The following NSF variants were observed in gnomAD, a reference collection of about 807,000 sequenced individuals.
NSF encodes the protein N-ethylmaleimide sensitive factor, vesicle fusing ATPase.
NSF carries 14 observed loss-of-function variants against 50.3 expected under a neutral mutation model. The ratio of observed to expected loss-of-function variants is 0.28; its 90% CI spans 0.18 to 0.44. The LOEUF (loss-of-function observed/expected upper bound fraction) is 0.44, where lower values mean the gene tolerates loss of function less well. NSF is among the 20% of genes least tolerant of loss of function. NSF has a pLI of 1.00. For missense variants in NSF, 218 were observed against 504.3 expected (o/e 0.43, Z 5.44); for synonymous variants, 109 against 175.7 (o/e 0.62, Z 3.00).
At position 46,710,948 on chromosome 17, in the gene NSF, C is replaced by A; in HGVS notation, c.1471-15C>A. ...ACTAAGGCTCAAAATGCTTTAGACT[C>A]CTTTTTCTTAATAGGCCTTTGGCAC... On this transcript the variant is annotated splice_polypyrimidine_tract_variant and intron_variant, in intron 13 of 20. Transcript: ENST00000398238. 1 of 1,574,460 alleles carries A rather than the reference C, an allele frequency of 6.4e-7. No homozygotes were observed. Among genetic ancestry groups the A allele is most frequent in the Non-Finnish European group, 8.6e-7 (1 of 1,168,302 alleles).
Position 46,704,803 on chromosome 17 carries a change from G to T in NSF, c.1419G>T (p.Leu473=). Residue 473 remains leucine, a synonymous_variant, in exon 13 of 21, where the codon CTG becomes CTT. Coordinates refer to ENST00000398238, the MANE Select transcript of NSF (RefSeq NM_006178.4). ...VEVDMEKAES[L]QVTRGDFLAS... ...TGGACATGGAGAAAGCAGAAAGCCT[G>T]CAAGTGACGAGAGGAGACTTCCTTG... 6.2e-7 allele frequency: 1 copy of T among 1,608,490 alleles called. No individual in the cohort carries two copies. The highest frequency in any genetic ancestry group is 8.5e-7 in the Non-Finnish European group (1 of 1,178,600).
intron 13 of NSF, 121 bp from the exon 14 acceptor site, chr17:46,710,842 T>G: frequency 1.2e-6 from 1 of 840,662 alleles, no homozygotes; most frequent in Non-Finnish European, 1.7e-6. Flanking sequence ...TTTCCAGGCT[T>G]TTTATATTAA....
At chr17:46,709,646 C>T (rs1203895702) in intron 13 of NSF, among the ~76,000 whole-genome samples, 1 of 152,030 alleles carries the variant, frequency 6.6e-6, no homozygotes, top group African/African-American at 2.4e-5. Context: ...AGGCACACAC[C>T]ACCACACCCA....
intron 17 of NSF, among the ~76,000 whole-genome samples, chr17:46,747,729 A>C (rs1229896674): frequency 6.6e-6 from 1 of 152,234 alleles, no homozygotes; most frequent in Admixed American, 6.5e-5. Flanking sequence ...TATTAGAAAG[A>C]GAAAGAAATA....
intron 17 of NSF, among the ~76,000 whole-genome samples, chr17:46,734,555 A>G (rs922187514): frequency 5.3e-5 from 8 of 152,142 alleles, no homozygotes; most frequent in Non-Finnish European, 1.2e-4. Context: ...GTGTGTATAT[A>G]TACATATCTC....
chr17:46,740,045 G>A (rs1265422297), intron 17 of NSF, among the ~76,000 whole-genome samples: 4 of 152,134 alleles, frequency 2.6e-5, no homozygotes, highest in Non-Finnish European at 5.9e-5. Context: ...CATAGGCCCT[G>A]GGCACTGTGT....
At chr17:46,632,983 CT>C (rs2058147568) in intron 4 of NSF, among the ~76,000 whole-genome samples, 1 of 142,288 alleles carries the variant, frequency 7.0e-6, no homozygotes, top group East Asian at 1.9e-4. Flanking sequence ...GGCCATCCAT[CT>C]TTTTTTGAGA....
chr17:46,723,008 A>C (rs998125085), intron 15 of NSF, among the ~76,000 whole-genome samples: 2 of 152,184 alleles, frequency 1.3e-5, no homozygotes, highest in African/African-American at 4.8e-5. Context: ...TTTTCCTCTC[A>C]AATGTTATGT....
At chr17:46,755,602 A>C (rs1396537294) in intron 20 of NSF, 200 bp from the exon 21 acceptor site, 1 of 700,048 alleles carries the variant, frequency 1.4e-6, no homozygotes, top group Admixed American at 2.9e-5. Context: ...TTAATGGTAC[A>C]TATTTATTGG....
rs527782141 is a variant in NSF, at chr17:46,673,906, T to TGG, written c.746-504_746-503dup. Reference sequence around the variant, plus strand: ...TTTGTTATGGCTGAATAGTATTCCATGGGGGTGTGTGTGTGTGTGTGTGTG... The same window carrying TGG: ...TTTGTTATGGCTGAATAGTATTCCATGGGGGGGTGTGTGTGTGTGTGTGTGTG... On this transcript the variant is annotated intron_variant, in intron 8 of 20. Transcript: ENST00000398238. Among the ~76,000 whole-genome samples the TGG allele has an allele frequency of 8.6e-4, 7 of 8,160 alleles. 3 individuals carry two copies. Among genetic ancestry groups the TGG allele is most frequent in the African/African-American group, 1.5e-3 (7 of 4,810 alleles). The allele number at this position is 8,160 out of a possible 152,430, so 5.4% of individuals were successfully genotyped here. A position where few individuals can be genotyped will look rare whatever the true frequency, so the allele number is the denominator to read the frequency against.
chr17:46,687,333 T>C (rs993231260), intron 9 of NSF, among the ~76,000 whole-genome samples: 13 of 148,954 alleles, frequency 8.7e-5, no homozygotes, highest in Non-Finnish European at 1.6e-4. Context: ...TCTTGTTCTC[T>C]ATTTGGAGGC....
intron 15 of NSF, among the ~76,000 whole-genome samples, chr17:46,724,988 T>G (rs2058872286): frequency 6.6e-6 from 1 of 152,214 alleles, no homozygotes; most frequent in South Asian, 2.1e-4. Context: ...TTTATTCTTT[T>G]AGTAAATACT....
At chr17:46,725,200 G>T (rs1227264923) in intron 15 of NSF, among the ~76,000 whole-genome samples, 1 of 152,194 alleles carries the variant, frequency 6.6e-6, no homozygotes, top group Non-Finnish European at 1.5e-5. Flanking sequence ...ATTGGAACTT[G>T]TGTTGTTTCA....
In NSF at chr17:46,635,808, TGTGTGTGTGTGCTC is replaced by T. The variant is rs1435124066; in HGVS notation, c.239-1560_239-1547del. ...GTGTGTGTGTGTGTGTGTGTGTGTG[TGTGTGTGTGTGCTC>T]GTGTGTGAAGCCTTATTGAAGAGTA... On this transcript the variant is annotated intron_variant, in intron 4 of 20. Coordinates refer to ENST00000398238, the MANE Select transcript of NSF (RefSeq NM_006178.4). Among the ~76,000 whole-genome samples the T allele has an allele frequency of 2.1e-5, 3 of 141,704 alleles. 1 individual carries two copies. Among genetic ancestry groups the T allele is most frequent in the Non-Finnish European group, 4.8e-5 (3 of 63,102 alleles). 93.0% of individuals were successfully genotyped at this position (141,704 alleles called of 152,430 possible).
At chr17:46,711,253 C>A in intron 14 of NSF, 134 bp downstream of exon 14, 2 of 812,880 alleles carry the variant, frequency 2.5e-6, no homozygotes, top group African/African-American at 1.8e-5. Context: ...AAATAGTAAT[C>A]CAATCTATGT....
chr17:46,721,700 A>G, intron 15 of NSF: 1 of 1,604,322 alleles, frequency 6.2e-7, no homozygotes, highest in Non-Finnish European at 8.5e-7. Flanking sequence ...GTCCAAATGA[A>G]CCTTTATGAG....
chr17:46,748,151 A>G (rs2059149558), intron 17 of NSF, among the ~76,000 whole-genome samples: 1 of 152,136 alleles, frequency 6.6e-6, no homozygotes, highest in African/African-American at 2.4e-5. Flanking sequence ...CTTGTTGCCC[A>G]GGCTGGAGTG....
At chr17:46,741,154 A>T (rs1360212483) in intron 17 of NSF, among the ~76,000 whole-genome samples, 1 of 152,190 alleles carries the variant, frequency 6.6e-6, no homozygotes, top group Non-Finnish European at 1.5e-5. Context: ...CTCACTGGAC[A>T]TGAGAGCCTC....
intron 16 of NSF, among the ~76,000 whole-genome samples, chr17:46,728,183 G>T (rs2058910790): frequency 6.6e-6 from 1 of 152,108 alleles, no homozygotes; most frequent in Non-Finnish European, 1.5e-5. Flanking sequence ...ATTGGTAAAT[G>T]TTTAACAGGT....
Sources: gnomAD v4.1 joint callset for allele counts (sites outside exome capture counted in the v4.1 genomes callset) on GRCh38, gnomAD v4.1.1 for gene constraint, MANE v1.5 for transcripts, NCBI Gene and HGNC (gene_info 2026-07-23, HGNC 2026-07-21) for gene names.